GEMIN5: variants seen among roughly 807,000 people sequenced by gnomAD.
The protein encoded by GEMIN5 is gem-associated protein 5.
A neutral mutation model predicts 176.9 loss-of-function variants in GEMIN5; 124 were observed. The observed-to-expected ratio is 0.70, with a 90% CI of 0.61 to 0.81. The LOEUF (loss-of-function observed/expected upper bound fraction) is 0.81, where lower values mean the gene tolerates loss of function less well. GEMIN5 is among the 40% of genes least tolerant of loss of function. The pLI is 0.00. For synonymous variants in GEMIN5, 673 were observed against 665.2 expected (o/e 1.01, Z -0.18); for missense variants, 1,843 against 1,814.6 (o/e 1.02, Z -0.28).
At position 154,935,931 on chromosome 5, in the gene GEMIN5, T is replaced by TTAAACC; in HGVS notation, c.413_418dup (p.Phe139_Asn140insArgPhe). On this transcript the variant is annotated inframe_insertion, in exon 3 of 28. Transcript: ENST00000285873. ...AAAGAGGTGCTGGCTGTCATTTCTG[T>TTAAACC]TAAACCAGTAACAGAAAACTACTCC... 3.1e-6 allele frequency: 5 copies of TTAAACC among 1,612,746 alleles called. No homozygotes were observed. The highest frequency in any genetic ancestry group is 3.3e-4 in the Middle Eastern group (2 of 6,062).
chr5:154,889,297 C>A, intron 27 of GEMIN5, 24 bp downstream of exon 27: 1 of 1,208,572 alleles, frequency 8.3e-7, no homozygotes, highest in Non-Finnish European at 1.2e-6. Flanking sequence ...GATGCTTTAC[C>A]AAATGAACTG....
At chr5:154,922,141 G>A (rs1255805441) in intron 9 of GEMIN5, among the ~76,000 whole-genome samples, 2 of 152,080 alleles carry the variant, frequency 1.3e-5, no homozygotes, top group African/African-American at 4.8e-5. Flanking sequence ...TTATAAACAG[G>A]CTAATTTATA....
At chr5:154,917,429 G>C (rs994291934) in intron 12 of GEMIN5, among the ~76,000 whole-genome samples, 1 of 152,178 alleles carries the variant, frequency 6.6e-6, no homozygotes, top group Admixed American at 6.5e-5. Context: ...TTAATTTTTA[G>C]AAATTTTAAC....
intron 13 of GEMIN5, among the ~76,000 whole-genome samples, chr5:154,914,174 C>T (rs907807195): frequency 6.6e-6 from 1 of 152,152 alleles, no homozygotes; most frequent in Non-Finnish European, 1.5e-5. Context: ...GCATGCACCA[C>T]CAAGCCCAGC....
chr5:154,912,968 A>T lies in GEMIN5; in HGVS notation c.1926T>A (p.Ile642=), dbSNP rs1227149688. 28 of 1,613,466 alleles carry T rather than the reference A, an allele frequency of 1.7e-5. No homozygotes were observed. Among genetic ancestry groups the T allele is most frequent in the Non-Finnish European group, 2.2e-5 (26 of 1,179,464 alleles). The change falls in exon 14 of 28, where the codon ATT becomes ATA. Residue 642 remains isoleucine (I), a synonymous_variant. Transcript: ENST00000285873. ...YRTLSGHTAK[I]TSVAWSPHHD... is the part of the protein sequence containing the mutation. ...GATGTGGGCTCCACGCCACACTGGT[A>T]ATCTTGGCCGTATGCCCTGAGAGGG... is the stretch of plus-strand genomic sequence containing the variant.
chr5:154,904,513 A>G lies in GEMIN5; in HGVS notation c.2626T>C (p.Ser876Pro). The G allele has an allele frequency of 6.2e-7, 1 of 1,613,662 alleles. No individual in the cohort carries two copies. Among genetic ancestry groups the G allele is most frequent in the African/African-American group, 1.3e-5 (1 of 75,054 alleles). The change falls in exon 18 of 28, where the codon TCC becomes CCC. Residue 876 changes from serine to proline, a missense_variant. Physicochemically the swap from Ser to Pro is moderately conservative, Grantham distance 74. Coordinates refer to ENST00000285873, the MANE Select transcript of GEMIN5 (RefSeq NM_015465.5). ...AGGAAGTACATTTTTGTACCTCTGG[A>G]GTGCTTTGCAGTTGCTAGTACCAAA... is the stretch of plus-strand genomic sequence containing the variant. ...DCLVLATAKH[S>P]RELNEDVSAD...
chr5:154,936,953 A>G, intron 2 of GEMIN5, 72 bp downstream of exon 2: 1 of 1,207,666 alleles, frequency 8.3e-7, no homozygotes, highest in Non-Finnish European at 1.2e-6. Context: ...AGCTAGCAAA[A>G]CTAGCTTGCA....
Position 154,926,216 on chromosome 5 carries a change from T to C in GEMIN5, c.1081-142A>G, listed in dbSNP as rs1283204718. 5.1e-6 allele frequency: 3 copies of C among 585,218 alleles called. No individual in the cohort carries two copies. The East Asian group carries it at 8.4e-5, about 16-fold the overall frequency. The allele number at this position is 585,218 out of a possible 1,614,324, so 36.3% of individuals were successfully genotyped here. A position where few individuals can be genotyped will look rare whatever the true frequency, so the allele number is the denominator to read the frequency against. Reference sequence around the variant, plus strand: ...CAGCAGGAATTGAAGAAAGCACTGCTAAGAAAAAAAAAATAGTAATAAATT... The same window carrying C: ...CAGCAGGAATTGAAGAAAGCACTGCCAAGAAAAAAAAAATAGTAATAAATT... On this transcript the variant is annotated intron_variant, in intron 7 of 27. Transcript: ENST00000285873.
intron 4 of GEMIN5, 130 bp from the exon 5 acceptor site, chr5:154,931,707 T>C: frequency 1.4e-6 from 1 of 707,568 alleles, no homozygotes; most frequent in Non-Finnish European, 2.3e-6. Flanking sequence ...TTTGAAGTTT[T>C]AGGTATAATT....
At chr5:154,915,724 G>A (rs185209138) in intron 13 of GEMIN5, among the ~76,000 whole-genome samples, 9 of 152,298 alleles carry the variant, frequency 5.9e-5, no homozygotes, top group Admixed American at 5.9e-4. Context: ...AGAATCAGAT[G>A]CAATCAAACA....
intron 23 of GEMIN5, among the ~76,000 whole-genome samples, chr5:154,897,260 CA>C (rs1390033960): frequency 6.6e-6 from 1 of 152,144 alleles, no homozygotes; most frequent in Non-Finnish European, 1.5e-5. Context: ...AGCTAAAAAC[CA>C]TCTGTAGGCC....
chr5:154,912,182 T>C (rs1443444720), intron 14 of GEMIN5, among the ~76,000 whole-genome samples: 2 of 152,194 alleles, frequency 1.3e-5, no homozygotes, highest in Non-Finnish European at 2.9e-5. Flanking sequence ...CAATACTGTA[T>C]GTTAACTTTT....
chr5:154,892,198 A>T (rs1763244136), intron 25 of GEMIN5, among the ~76,000 whole-genome samples, 189 bp downstream of exon 25: 1 of 152,234 alleles, frequency 6.6e-6, no homozygotes, highest in Non-Finnish European at 1.5e-5. Flanking sequence ...GTAAGAGGGT[A>T]GGGCCAGGTA....
intron 13 of GEMIN5, 28 bp from the exon 14 acceptor site, chr5:154,913,066 C>T (rs759140919): frequency 5.1e-6 from 8 of 1,566,044 alleles, no homozygotes; most frequent in Non-Finnish European, 6.1e-6. Flanking sequence ...GACATCACTG[C>T]TGCTACTACT....
intron 1 of GEMIN5, among the ~76,000 whole-genome samples, 153 bp downstream of exon 1, chr5:154,937,814 AG>A (rs1764301541): frequency 6.6e-6 from 1 of 152,234 alleles, no homozygotes; most frequent in South Asian, 2.1e-4. Flanking sequence ...TTAGGAGACC[AG>A]AAGCAACTCA....
chr5:154,933,898 C>T (rs1195347058), intron 3 of GEMIN5, among the ~76,000 whole-genome samples: 1 of 152,182 alleles, frequency 6.6e-6, no homozygotes, highest in Admixed American at 6.5e-5. Flanking sequence ...TACAACACTG[C>T]TCCCACTTCA....
At position 154,891,345 on chromosome 5, in the gene GEMIN5, T is replaced by G; in HGVS notation, c.4158A>C (p.Arg1386=). The G allele has an allele frequency of 6.2e-7, 1 of 1,614,122 alleles. No individual in the cohort carries two copies. The highest frequency in any genetic ancestry group is 8.5e-7 in the Non-Finnish European group (1 of 1,179,976). The change falls in exon 26 of 28, where the codon CGA becomes CGC. Residue 1386 remains arginine (R), a synonymous_variant. Transcript: ENST00000285873. Reference sequence around the variant, plus strand: ...TACAGAGTTGACTCTTTTGGTGTTGTCGGATCATTTCTGCCAAGGTCTCTT... The same window carrying G: ...TACAGAGTTGACTCTTTTGGTGTTGGCGGATCATTTCTGCCAAGGTCTCTT... ...EVQETLAEMI[R]QHQKSQLCKS...
Position 154,938,037 on chromosome 5 carries a change from G to T in GEMIN5, c.97C>A (p.Arg33=). The T allele has an allele frequency of 3.2e-6, 5 of 1,549,666 alleles. No homozygotes were observed. Among genetic ancestry groups the T allele is most frequent in the Non-Finnish European group, 4.3e-6 (5 of 1,151,700 alleles). ...VPGGLFGFAA[R]TSVFLVRVGP... ...ACGCGGACAAGGAAGACGGAGGTCC[G>T]CGCGGCGAAGCCAAAGAGGCCCCCG... The change falls in exon 1 of 28, where the codon CGG becomes AGG. Residue 33 remains arginine, a synonymous_variant. Transcript: ENST00000285873.
chr5:154,912,066 C>T (rs1469544876), intron 14 of GEMIN5, among the ~76,000 whole-genome samples, 168 bp from the exon 15 acceptor site: 1 of 152,200 alleles, frequency 6.6e-6, no homozygotes, highest in Non-Finnish European at 1.5e-5. Flanking sequence ...CAGAAGAGTG[C>T]TATTTCCTGT....
Sources: gnomAD v4.1 joint callset for allele counts (sites outside exome capture counted in the v4.1 genomes callset) on GRCh38, gnomAD v4.1.1 for gene constraint, MANE v1.5 for transcripts, NCBI Gene and HGNC (gene_info 2026-07-23, HGNC 2026-07-21) for gene names.